Variants in DOCK4 observed in about 807,000 individuals in gnomAD.
DOCK4 encodes dedicator of cytokinesis 4, also known as dedicator of cytokinesis protein 4.
In DOCK4, 97 loss-of-function variants were observed where a neutral mutation model predicts 268.1. The ratio of observed to expected loss-of-function variants is 0.36; its 90% CI spans 0.31 to 0.43. DOCK4 has a LOEUF of 0.43. DOCK4 is among the 20% of genes least tolerant of loss of function. DOCK4 has a pLI of 1.00. For missense variants in DOCK4, 2,145 were observed against 2,455.7 expected (o/e 0.87, Z 2.67); for synonymous variants, 954 against 887.2 (o/e 1.08, Z -1.34).
At chr7:112,073,542 G>A (rs1807794401) in intron 1 of DOCK4, among the ~76,000 whole-genome samples, 2 of 151,886 alleles carry the variant, frequency 1.3e-5, no homozygotes, top group Admixed American at 1.3e-4. Flanking sequence ...ATATTTCATT[G>A]TGTATGTATA....
At chr7:111,913,561 C>T (rs1010251422) in intron 13 of DOCK4, among the ~76,000 whole-genome samples, 1 of 151,742 alleles carries the variant, frequency 6.6e-6, no homozygotes, top group Non-Finnish European at 1.5e-5. Flanking sequence ...AGGCGCCCGC[C>T]ACCACGCCCG....
intron 50 of DOCK4, among the ~76,000 whole-genome samples, chr7:111,735,733 C>T (rs919582753): frequency 6.6e-6 from 1 of 152,088 alleles, no homozygotes; most frequent in African/African-American, 2.4e-5. Context: ...CTCTGTGCTT[C>T]GATAAGATGC....
intron 1 of DOCK4, among the ~76,000 whole-genome samples, chr7:112,202,120 A>C (rs577316381): frequency 1.3e-5 from 2 of 152,284 alleles, no homozygotes; most frequent in Admixed American, 1.3e-4. Flanking sequence ...TTCATATCTC[A>C]GACATTTTGA....
At chr7:112,024,887 T>C (rs1399508412) in intron 1 of DOCK4, among the ~76,000 whole-genome samples, 1 of 152,194 alleles carries the variant, frequency 6.6e-6, no homozygotes, top group Non-Finnish European at 1.5e-5. Context: ...GTGATACAAA[T>C]CTTTCTGAAC....
chr7:111,898,064 A>G (rs984836021), intron 15 of DOCK4, among the ~76,000 whole-genome samples: 1 of 152,174 alleles, frequency 6.6e-6, no homozygotes, highest in Non-Finnish European at 1.5e-5. Context: ...CAACCATATT[A>G]CCTATAATCT....
At chr7:111,970,687 T>A (rs1411924620) in intron 8 of DOCK4, among the ~76,000 whole-genome samples, 1 of 152,210 alleles carries the variant, frequency 6.6e-6, no homozygotes, top group Non-Finnish European at 1.5e-5. Flanking sequence ...CAAGACTGTA[T>A]ACACCTCAAA....
At chr7:112,170,460 T>TA (rs963719773) in intron 1 of DOCK4, among the ~76,000 whole-genome samples, 26 of 150,478 alleles carry the variant, frequency 1.7e-4, no homozygotes, top group African/African-American at 3.9e-4. Flanking sequence ...TACCCCGTCT[T>TA]AAAAAAAAAC....
intron 1 of DOCK4, among the ~76,000 whole-genome samples, chr7:112,074,010 T>A (rs893657388): frequency 6.6e-6 from 1 of 152,174 alleles, no homozygotes; most frequent in Admixed American, 6.6e-5. Flanking sequence ...TCCCATAAAT[T>A]TGTACAATGA....
chr7:112,049,208 C>T (rs10258545), intron 1 of DOCK4, among the ~76,000 whole-genome samples: 38,812 of 152,012 alleles, frequency 0.26, 10,208 homozygotes, highest in African/African-American at 0.66. Flanking sequence ...TATTCTGGAG[C>T]TTATAACTTA....
intron 14 of DOCK4, among the ~76,000 whole-genome samples, chr7:111,901,274 C>CAATGAGTG (rs1791119335): frequency 7.9e-6 from 1 of 126,766 alleles, no homozygotes; most frequent in Non-Finnish European, 1.6e-5. Flanking sequence ...AGGGAGGTTG[C>CAATGAGTG]AATGAGTGGA....
intron 1 of DOCK4, among the ~76,000 whole-genome samples, chr7:112,042,341 C>T (rs1363423781): frequency 6.6e-6 from 1 of 152,150 alleles, no homozygotes; most frequent in Non-Finnish European, 1.5e-5. Flanking sequence ...CATGTCTTAT[C>T]TGCCTAAGGA....
chr7:112,119,742 A>G (rs897845315), intron 1 of DOCK4, among the ~76,000 whole-genome samples: 4 of 152,088 alleles, frequency 2.6e-5, no homozygotes, highest in African/African-American at 9.7e-5. Context: ...TATCTATAAA[A>G]TGGGGATAAT....
intron 23 of DOCK4, among the ~76,000 whole-genome samples, chr7:111,862,421 T>A (rs1586202346): frequency 6.6e-6 from 1 of 151,816 alleles, no homozygotes; most frequent in East Asian, 1.9e-4. Flanking sequence ...AATTGTTTAC[T>A]ATATATAAAA....
chr7:111,887,257 G>C (rs1444124650), intron 16 of DOCK4, among the ~76,000 whole-genome samples: 1 of 152,194 alleles, frequency 6.6e-6, no homozygotes, highest in Non-Finnish European at 1.5e-5. Flanking sequence ...TGGATATGCT[G>C]AGTGTGCAGT....
At chr7:111,778,486 T>G (rs955239390) in intron 35 of DOCK4, 117 bp from the exon 36 acceptor site, 14 of 520,050 alleles carry the variant, frequency 2.7e-5, no homozygotes, top group African/African-American at 2.6e-4. Flanking sequence ...CATTTTTCCA[T>G]GTAAATATCT....
intron 42 of DOCK4, among the ~76,000 whole-genome samples, chr7:111,749,436 T>C (rs1796487989): frequency 6.6e-6 from 1 of 152,200 alleles, no homozygotes; most frequent in Non-Finnish European, 1.5e-5. Context: ...TGCACAACAA[T>C]GTATATATAG....
intron 25 of DOCK4, among the ~76,000 whole-genome samples, chr7:111,843,479 C>T (rs1051011395): frequency 1.3e-5 from 2 of 152,152 alleles, no homozygotes; most frequent in African/African-American, 4.8e-5. Context: ...TGCTCAGCAT[C>T]ATTAGTCATT....
intron 1 of DOCK4, among the ~76,000 whole-genome samples, chr7:112,036,803 G>A (rs1220779291): frequency 6.6e-6 from 1 of 151,874 alleles, no homozygotes; most frequent in African/African-American, 2.4e-5. Flanking sequence ...TGGAATTACA[G>A]GCGCCCACCA....
intron 1 of DOCK4, among the ~76,000 whole-genome samples, chr7:112,067,874 C>G (rs953650684): frequency 1.3e-5 from 2 of 152,200 alleles, no homozygotes; most frequent in African/African-American, 2.4e-5. Flanking sequence ...CTGTTTGTTG[C>G]CACTGGCAGT....
Sources: gnomAD v4.1 joint callset for allele counts (sites outside exome capture counted in the v4.1 genomes callset) on GRCh38, gnomAD v4.1.1 for gene constraint, MANE v1.5 for transcripts, NCBI Gene and HGNC (gene_info 2026-07-23, HGNC 2026-07-21) for gene names.